The following PMFBP1 variants were observed in gnomAD, a reference collection of about 807,000 sequenced individuals.
PMFBP1 encodes polyamine modulated factor 1 binding protein 1, also known as polyamine-modulated factor 1-binding protein 1.
A neutral mutation model predicts 137.8 loss-of-function variants in PMFBP1; 131 were observed. That is an observed-to-expected ratio of 0.95 (90% confidence interval 0.82 to 1.10). The LOEUF (loss-of-function observed/expected upper bound fraction) is 1.10. Among genes scored for constraint, PMFBP1 ranks in the 50% least tolerant of loss-of-function variants. PMFBP1 has a pLI of 0.00. For missense variants in PMFBP1, 1,199 were observed against 1,175.4 expected, an observed-to-expected ratio of 1.02 and a Z score of -0.29; for synonymous variants, 490 against 450.4, an observed-to-expected ratio of 1.09 and a Z score of -1.11.
chr16:72,163,311 G>A (rs959455925), intron 3 of PMFBP1, among the ~76,000 whole-genome samples: 2 of 152,236 alleles, frequency 1.3e-5, no homozygotes, highest in African/African-American at 4.8e-5. Context: ...CCCAGCTTAT[G>A]TGGAAAAATT....
At position 72,123,722 on chromosome 16, in the gene PMFBP1, C is replaced by A. The variant is rs932513525; in HGVS notation, c.2590-73G>T. On this transcript the variant is annotated intron_variant, in intron 17 of 20. Transcript: ENST00000237353. The stretch of plus-strand genomic sequence containing the variant: ...CTGTCAGCCCTCCTTCCGAGTCAGG[C>A]CTCTTCTATCTCCCTGGGAAAAGAA... The A allele has an allele frequency of 6.8e-6, 9 of 1,330,214 alleles. No homozygotes were observed. The East Asian group carries it at 1.9e-4, about 28-fold the overall frequency. 82.4% of individuals were successfully genotyped at this position (1,330,214 alleles called of 1,614,324 possible). A position where few individuals can be genotyped will look rare whatever the true frequency, so the allele number is the denominator to read the frequency against.
intron 7 of PMFBP1, among the ~76,000 whole-genome samples, chr16:72,138,055 G>A (rs1173499679): frequency 2.6e-5 from 4 of 152,110 alleles, no homozygotes; most frequent in African/African-American, 7.2e-5. Context: ...AACATAATGC[G>A]GTGGGGGAAG....
At chr16:72,247,662 T>C in the PMFBP1 span, among the ~76,000 whole-genome samples, 2 of 152,224 alleles carry the variant, frequency 1.3e-5, no homozygotes, top group Non-Finnish European at 2.9e-5. Flanking sequence ...TGTTAAATTA[T>C]TCGGCATTCT....
At position 72,119,850 on chromosome 16, in the gene PMFBP1, C is replaced by G. The variant is rs145949872; in HGVS notation, c.3007+1G>C. 5.6e-6 allele frequency: 9 copies of G among 1,613,128 alleles called. No individual in the cohort carries two copies. The highest frequency in any genetic ancestry group is 7.6e-6 in the Non-Finnish European group (9 of 1,179,696). On this transcript the variant is annotated splice_donor_variant, in intron 20 of 20. Coordinates refer to ENST00000237353, the MANE Select transcript of PMFBP1 (RefSeq NM_031293.3). LOFTEE classifies it high-confidence loss of function. Reference sequence around the variant, plus strand: ...ATTTTTTTGACAAATGGCAGACGTACCCGGGCAGTGGGGCATCCCGATGTA... The same window carrying G: ...ATTTTTTTGACAAATGGCAGACGTAGCCGGGCAGTGGGGCATCCCGATGTA...
At chr16:72,138,403 C>A (rs2144334710) in intron 7 of PMFBP1, among the ~76,000 whole-genome samples, 1 of 152,368 alleles carries the variant, frequency 6.6e-6, no homozygotes, top group African/African-American at 2.4e-5. Context: ...AGCATGGCCT[C>A]CTGTGGCTGG....
At chr16:72,247,927 T>C in the PMFBP1 span, among the ~76,000 whole-genome samples, 1 of 152,210 alleles carries the variant, frequency 6.6e-6, no homozygotes, top group African/African-American at 2.4e-5. Context: ...GAATATTAGT[T>C]AGAAATTTGG....
At chr16:72,224,891 C>T in the PMFBP1 span, 3 of 152,118 alleles carry the variant, frequency 2.0e-5, no homozygotes, top group African/African-American at 7.2e-5. Context: ...TGTTTGTATC[C>T]CACACAGAAT....
chr16:72,117,807 A>AAAT (rs1373635902), downstream of PMFBP1, among the ~76,000 whole-genome samples: 3 of 152,234 alleles, frequency 2.0e-5, no homozygotes, highest in African/African-American at 7.2e-5. Flanking sequence ...ATTTCTTAAC[A>AAAT]AATTATAGGC....
intron 9 of PMFBP1, 63 bp downstream of exon 9, chr16:72,136,385 A>C: frequency 6.4e-7 from 1 of 1,558,742 alleles, no homozygotes; most frequent in Non-Finnish European, 8.7e-7. Context: ...AGAACCGGTT[A>C]ATGCCAGGAC....
chr16:72,237,073 C>G, the PMFBP1 span, among the ~76,000 whole-genome samples: 4 of 152,152 alleles, frequency 2.6e-5, no homozygotes, highest in South Asian at 8.3e-4. Flanking sequence ...GTTACCTGTT[C>G]CCACATGCCC....
the PMFBP1 span, among the ~76,000 whole-genome samples, chr16:72,202,581 C>T: frequency 6.6e-6 from 1 of 152,218 alleles, no homozygotes; most frequent in African/African-American, 2.4e-5. Flanking sequence ...TCTCTGCTGA[C>T]ATCAACACTT....
At chr16:72,163,203 G>A (rs2043089654) in intron 3 of PMFBP1, among the ~76,000 whole-genome samples, 1 of 152,180 alleles carries the variant, frequency 6.6e-6, no homozygotes, top group Non-Finnish European at 1.5e-5. Context: ...TGTTTACCGA[G>A]AACTCATGTC....
intron 10 of PMFBP1, among the ~76,000 whole-genome samples, chr16:72,131,996 C>A (rs1326468819): frequency 6.6e-6 from 1 of 152,086 alleles, no homozygotes; most frequent in Non-Finnish European, 1.5e-5. Flanking sequence ...CAGGTGCCCA[C>A]CACCATGCCT....
the PMFBP1 span, among the ~76,000 whole-genome samples, chr16:72,198,808 C>G: frequency 6.8e-6 from 1 of 147,582 alleles, no homozygotes; most frequent in Non-Finnish European, 1.5e-5. Context: ...TCACATCCCC[C>G]CACCCCCACC....
rs145414278 is a variant in PMFBP1, at chr16:72,155,181, G to C, written c.166-722C>G. On this transcript the variant is annotated intron_variant, in intron 3 of 20. Transcript: ENST00000237353. ...CTATGTTTTACCAGGTATTCTGCTG[G>C]TAGGACACATCCCTGAGTTGCTGAT... Among the ~76,000 whole-genome samples, 91 of 152,236 alleles carry C rather than the reference G, an allele frequency of 6.0e-4. 1 individual carries two copies. The East Asian group carries it at 0.016, about 26-fold the overall frequency.
At chr16:72,184,549 T>C in the PMFBP1 span, among the ~76,000 whole-genome samples, 1 of 152,176 alleles carries the variant, frequency 6.6e-6, no homozygotes, top group Admixed American at 6.5e-5. Context: ...ATGGGTACTG[T>C]GGTTATTTTT....
intron 14 of PMFBP1, among the ~76,000 whole-genome samples, chr16:72,126,755 G>C (rs1169799474): frequency 6.6e-6 from 1 of 152,204 alleles, no homozygotes; most frequent in Non-Finnish European, 1.5e-5. Context: ...AAAAACTGAA[G>C]TCTGTTTTCA....
chr16:72,154,062 GA>G, intron 4 of PMFBP1, 148 bp downstream of exon 4: 2 of 1,081,614 alleles, frequency 1.8e-6, no homozygotes, highest in Non-Finnish European at 2.6e-6. Context: ...GCTTCAAAAA[GA>G]TCAAGAATTA....
rs1474000477 is a variant in PMFBP1 at position 72,168,414 on chromosome 16, G to A, written c.12+2783C>T. The stretch of plus-strand genomic sequence containing the variant: ...GAACCTAATTTCTTGCTGGTATCTC[G>A]CACAGATATTAGCTGTAAACTATTT... On this transcript the variant is annotated intron_variant, in intron 2 of 20. Coordinates refer to ENST00000237353, the MANE Select transcript of PMFBP1 (RefSeq NM_031293.3). 4.6e-5 allele frequency among the ~76,000 whole-genome samples: 7 copies of A among 152,148 alleles called. No individual in the cohort carries two copies. The East Asian group carries it at 7.7e-4, about 17-fold the overall frequency.
Sources: allele counts gnomAD v4.1 joint callset (sites outside exome capture counted in the v4.1 genomes callset), GRCh38; gene constraint gnomAD v4.1.1; transcripts MANE v1.5; gene names NCBI Gene and HGNC (gene_info 2026-07-23, HGNC 2026-07-21).